Variants in HHAT observed in about 807,000 individuals in gnomAD.
HHAT encodes protein-cysteine N-palmitoyltransferase HHAT.
In HHAT, 47 loss-of-function variants were observed where a neutral mutation model predicts 70.8. The observed-to-expected ratio is 0.66, with a 90% CI of 0.53 to 0.85. HHAT has a LOEUF of 0.85. Among genes scored for constraint, HHAT ranks in the 40% least tolerant of loss-of-function variants. The pLI is 0.00. For synonymous variants in HHAT, 228 were observed against 247.6 expected (o/e 0.92, Z 0.74); for missense variants, 609 against 604.8 (o/e 1.01, Z -0.07).
At chr1:210,589,723 C>T (rs11119544) in intron 10 of HHAT, 1 of 152,046 alleles carries the variant, frequency 6.6e-6, no homozygotes, top group Non-Finnish European at 1.5e-5. Flanking sequence ...TGCCATGTAG[C>T]CTGTGACCTG....
chr1:210,567,866 C>T (rs1180081730), intron 9 of HHAT, among the ~76,000 whole-genome samples: 2 of 152,316 alleles, frequency 1.3e-5, no homozygotes, highest in East Asian at 3.9e-4. Flanking sequence ...GCCCTTGGTT[C>T]TCAGGTAACT....
At chr1:210,468,632 C>T (rs2094148136) in intron 8 of HHAT, among the ~76,000 whole-genome samples, 1 of 152,070 alleles carries the variant, frequency 6.6e-6, no homozygotes, top group African/African-American at 2.4e-5. Flanking sequence ...ATTTAGGTCC[C>T]TAGGTAGAGA....
intron 7 of HHAT, among the ~76,000 whole-genome samples, chr1:210,445,256 G>A (rs1259977719): frequency 6.6e-6 from 1 of 152,132 alleles, no homozygotes; most frequent in Non-Finnish European, 1.5e-5. Flanking sequence ...TTTACTATTT[G>A]CCTTCTGCAT....
At chr1:210,495,166 A>T (rs1338492575) in intron 8 of HHAT, among the ~76,000 whole-genome samples, 1 of 152,022 alleles carries the variant, frequency 6.6e-6, no homozygotes, top group East Asian at 1.9e-4. Context: ...CTCAGTGAAA[A>T]TCAAGGAGGA....
chr1:210,535,988 C>T (rs2095368224), intron 9 of HHAT, among the ~76,000 whole-genome samples: 2 of 152,168 alleles, frequency 1.3e-5, no homozygotes, highest in Non-Finnish European at 2.9e-5. Flanking sequence ...CTCTCAGCTG[C>T]TCCTGGGGAG....
rs557126511 is a variant in HHAT, at chr1:210,349,196, A to G, written c.91+130A>G. On this transcript the variant is annotated intron_variant, in intron 2 of 11. Coordinates refer to ENST00000261458, the MANE Select transcript of HHAT (RefSeq NM_018194.6). ...GATGTGGGCCTTGATTTGCTTCCCC[A>G]TGTCTTGGATAGTTTGAATCAGTGA... The G allele has an allele frequency of 3.0e-4, 287 of 950,850 alleles. No individual in the cohort carries two copies. The African/African-American group carries it at 4.3e-3, about 14-fold the overall frequency. The allele number at this position is 950,850 out of a possible 1,614,324, so 58.9% of individuals were successfully genotyped here.
At chr1:210,665,021 A>G (rs372231662) in intron 11 of HHAT, among the ~76,000 whole-genome samples, 1 of 151,958 alleles carries the variant, frequency 6.6e-6, no homozygotes, top group Non-Finnish European at 1.5e-5. Flanking sequence ...CTACTTCCCC[A>G]TTGGATATAT....
intron 4 of HHAT, among the ~76,000 whole-genome samples, chr1:210,399,606 C>T (rs2091966506): frequency 6.6e-6 from 1 of 152,070 alleles, no homozygotes; most frequent in Non-Finnish European, 1.5e-5. Context: ...TTATGAGACA[C>T]CAGCATTTGA....
chr1:210,659,107 T>C (rs1677091858), intron 11 of HHAT, among the ~76,000 whole-genome samples: 1 of 151,826 alleles, frequency 6.6e-6, no homozygotes, highest in African/African-American at 2.4e-5. Flanking sequence ...CTGAAGGAGA[T>C]AGAGACACAA....
At chr1:210,330,046 A>G (rs1227445571) in intron 1 of HHAT, among the ~76,000 whole-genome samples, 1 of 152,162 alleles carries the variant, frequency 6.6e-6, no homozygotes, top group Non-Finnish European at 1.5e-5. Context: ...CGTGCCTGGC[A>G]TCTCATTCAT....
At chr1:210,588,192 T>C in intron 10 of HHAT, 93 bp downstream of exon 10, 1 of 1,068,244 alleles carries the variant, frequency 9.4e-7, no homozygotes, top group Non-Finnish European at 1.3e-6. Flanking sequence ...CTGCCCCCAC[T>C]ATGGGCCCTT....
intron 2 of HHAT, among the ~76,000 whole-genome samples, chr1:210,356,891 G>C (rs1198217413): frequency 6.6e-6 from 1 of 152,218 alleles, no homozygotes. Flanking sequence ...TTGGAACCAG[G>C]TGAGCTGACT....
chr1:210,361,335 C>T (rs955883598), intron 2 of HHAT, among the ~76,000 whole-genome samples: 10 of 152,184 alleles, frequency 6.6e-5, no homozygotes, highest in East Asian at 3.9e-4. Flanking sequence ...GGTGCGTGCA[C>T]GCACACACAA....
chr1:210,559,182 A>G (rs1317449863), intron 9 of HHAT, among the ~76,000 whole-genome samples: 1 of 152,118 alleles, frequency 6.6e-6, no homozygotes, highest in African/African-American at 2.4e-5. Flanking sequence ...GTAGCCTCTT[A>G]TTGTGCTTTA....
At chr1:210,511,773 G>A (rs948507917) in intron 8 of HHAT, among the ~76,000 whole-genome samples, 4 of 144,862 alleles carry the variant, frequency 2.8e-5, no homozygotes, top group South Asian at 2.2e-4. Context: ...GATTCTGGCC[G>A]CCTGGTCTTT....
At chr1:210,381,788 A>G (rs1225739835) in intron 3 of HHAT, among the ~76,000 whole-genome samples, 1 of 152,166 alleles carries the variant, frequency 6.6e-6, no homozygotes, top group Non-Finnish European at 1.5e-5. Flanking sequence ...AAAGACTCCA[A>G]AAACAGTGGG....
chr1:210,550,475 G>C (rs942554601), intron 9 of HHAT, among the ~76,000 whole-genome samples: 1 of 148,962 alleles, frequency 6.7e-6, no homozygotes, highest in African/African-American at 2.5e-5. Context: ...CTTCAGGACT[G>C]CTGTTCAGCT....
intron 6 of HHAT, among the ~76,000 whole-genome samples, chr1:210,408,435 G>A (rs985216275): frequency 6.6e-5 from 10 of 152,210 alleles, no homozygotes; most frequent in Admixed American, 2.6e-4. Context: ...CGCCCGCCTC[G>A]GCCTCCTAAA....
At chr1:210,583,606 T>A (rs1308406309) in intron 9 of HHAT, among the ~76,000 whole-genome samples, 1 of 152,230 alleles carries the variant, frequency 6.6e-6, no homozygotes, top group African/African-American at 2.4e-5. Flanking sequence ...CTTCTATAAA[T>A]TAGGAATAAA....
Sources: gnomAD v4.1 joint callset for allele counts (sites outside exome capture counted in the v4.1 genomes callset) on GRCh38, gnomAD v4.1.1 for gene constraint, MANE v1.5 for transcripts, NCBI Gene and HGNC (gene_info 2026-07-23, HGNC 2026-07-21) for gene names.